Variants in PRELID2 observed in about 807,000 individuals in gnomAD.
PRELID2 encodes PRELI domain-containing protein 2.
In PRELID2, 25 loss-of-function variants were observed where a neutral mutation model predicts 28.4. That is an observed-to-expected ratio of 0.88 (90% CI 0.64 to 1.23). The LOEUF (loss-of-function observed/expected upper bound fraction) is 1.23. Ranked by LOEUF, PRELID2 falls within the 50% of genes most tolerant of loss-of-function variation. The pLI, the probability that PRELID2 is intolerant of heterozygous loss-of-function variation, is 0.00. For synonymous variants in PRELID2, 76 were observed against 71.6 expected, an observed-to-expected ratio of 1.06 and a Z score of -0.31; for missense variants, 201 against 214.4, an observed-to-expected ratio of 0.94 and a Z score of 0.39.
chr5:145,422,545 A>G, the PRELID2 span, among the ~76,000 whole-genome samples: 1 of 151,772 alleles, frequency 6.6e-6, no homozygotes, highest in South Asian at 2.1e-4. Flanking sequence ...ATCAGAGACT[A>G]GGATTGCAAC....
At chr5:145,440,589 C>A in the PRELID2 span, among the ~76,000 whole-genome samples, 2 of 152,028 alleles carry the variant, frequency 1.3e-5, no homozygotes, top group Non-Finnish European at 2.9e-5. Flanking sequence ...TGTTTTCAGA[C>A]CTCCCTTCCT....
chr5:145,801,259 C>G (rs1231163399), intron 4 of PRELID2, among the ~76,000 whole-genome samples: 1 of 152,156 alleles, frequency 6.6e-6, no homozygotes, highest in Admixed American at 6.5e-5. Flanking sequence ...AGCAACAGTA[C>G]CTGCTAACTT....
chr5:145,813,930 T>G (rs1754119458), intron 4 of PRELID2, among the ~76,000 whole-genome samples: 1 of 152,224 alleles, frequency 6.6e-6, no homozygotes, highest in African/African-American at 2.4e-5. Context: ...GGAAAATATG[T>G]AATCATAGAG....
the PRELID2 span, among the ~76,000 whole-genome samples, chr5:145,304,272 T>A: frequency 6.6e-6 from 1 of 152,196 alleles, no homozygotes. Flanking sequence ...AGCATTATTA[T>A]GATTATTACT....
At chr5:145,305,066 C>A in the PRELID2 span, among the ~76,000 whole-genome samples, 14 of 152,138 alleles carry the variant, frequency 9.2e-5, no homozygotes, top group Non-Finnish European at 1.8e-4. Context: ...TGAATGCATA[C>A]AACTATTTCT....
intron 4 of PRELID2, among the ~76,000 whole-genome samples, chr5:145,813,913 A>G (rs1161242499): frequency 6.6e-6 from 1 of 152,258 alleles, no homozygotes; most frequent in African/African-American, 2.4e-5. Context: ...TGGTAACAGA[A>G]TAAGTGGGAA....
chr5:145,234,266 T>C, the PRELID2 span, among the ~76,000 whole-genome samples: 1 of 152,158 alleles, frequency 6.6e-6, no homozygotes, highest in Non-Finnish European at 1.5e-5. Context: ...ACTGAGTGCT[T>C]ACTCTGGCCC....
At chr5:145,517,393 T>C (rs1752526333) in intron 1 of PRELID2, among the ~76,000 whole-genome samples, 1 of 151,972 alleles carries the variant, frequency 6.6e-6, no homozygotes, top group African/African-American at 2.4e-5. Flanking sequence ...GAAAAAAAGC[T>C]CATTATCACT....
At chr5:145,535,042 C>T (rs1752687305) in intron 1 of PRELID2, among the ~76,000 whole-genome samples, 1 of 151,900 alleles carries the variant, frequency 6.6e-6, no homozygotes, top group Non-Finnish European at 1.5e-5. Context: ...TCATCTCTGC[C>T]ATTCCACAGA....
intron 1 of PRELID2, among the ~76,000 whole-genome samples, chr5:145,698,426 TAGTC>T (rs1293710932): frequency 1.3e-5 from 2 of 152,186 alleles, no homozygotes; most frequent in Admixed American, 6.5e-5. Flanking sequence ...AAAATTGTCT[TAGTC>T]AGTTTGGGCT....
chr5:145,653,987 T>C (rs1483359083), intron 1 of PRELID2, among the ~76,000 whole-genome samples: 1 of 151,640 alleles, frequency 6.6e-6, no homozygotes, highest in Admixed American at 6.6e-5. Flanking sequence ...ATCAATAAAA[T>C]TGATAGATCG....
At chr5:145,695,521 T>G (rs948834307) in intron 1 of PRELID2, among the ~76,000 whole-genome samples, 1 of 152,226 alleles carries the variant, frequency 6.6e-6, no homozygotes, top group African/African-American at 2.4e-5. Context: ...TCCAACCTGC[T>G]CTTCTTCCTT....
At chr5:145,293,228 T>C in the PRELID2 span, among the ~76,000 whole-genome samples, 2 of 152,186 alleles carry the variant, frequency 1.3e-5, no homozygotes, top group Non-Finnish European at 2.9e-5. Flanking sequence ...CCACATACAT[T>C]TGAGTTTGCA....
In PRELID2 at chr5:145,653,055, G is replaced by T. The variant is rs192813418; in HGVS notation, n.70+111876C>A. 6.8e-3 allele frequency among the ~76,000 whole-genome samples: 1,033 copies of T among 152,076 alleles called. 19 individuals are homozygous for T. The highest frequency in any genetic ancestry group is 0.024 in the African/African-American group (976 of 41,488). ...GGCTCAAAATAAAGGGATGGAAGAA[G>T]ATCTACCAAGCAAATGGAAAACAAA... is the stretch of plus-strand genomic sequence containing the variant. On this transcript the variant is annotated intron_variant and non_coding_transcript_variant, in intron 1 of 2. Transcript: ENST00000510259.
intron 1 of PRELID2, among the ~76,000 whole-genome samples, chr5:145,494,384 G>A (rs570858496): frequency 2.0e-5 from 3 of 152,250 alleles, no homozygotes; most frequent in East Asian, 3.9e-4. Flanking sequence ...AATATTTTCC[G>A]TATGTTGGAC....
the PRELID2 span, among the ~76,000 whole-genome samples, chr5:145,425,576 T>TA: frequency 4.6e-5 from 7 of 152,274 alleles, no homozygotes; most frequent in East Asian, 1.2e-3. Flanking sequence ...TATGCAGCCA[T>TA]AAAAAAGAAC....
chr5:145,543,523 T>C (rs988747045), intron 1 of PRELID2, among the ~76,000 whole-genome samples: 1 of 152,130 alleles, frequency 6.6e-6, no homozygotes, highest in Admixed American at 6.6e-5. Context: ...TGCTGGTCAA[T>C]GATTTTCATT....
chr5:145,246,076 T>C, the PRELID2 span, among the ~76,000 whole-genome samples: 959 of 152,108 alleles, frequency 6.3e-3, 8 homozygotes, highest in African/African-American at 0.021. Flanking sequence ...AGATTTTACT[T>C]AGAATACACA....
At chr5:145,735,083 A>G (rs574456916) in intron 1 of PRELID2, among the ~76,000 whole-genome samples, 1 of 48,338 alleles carries the variant, frequency 2.1e-5, no homozygotes, top group East Asian at 9.3e-4. Context: ...CATCTCTACT[A>G]AAAATACAAA....
Sources: gnomAD v4.1 joint callset for allele counts (sites outside exome capture counted in the v4.1 genomes callset) on GRCh38, gnomAD v4.1.1 for gene constraint, MANE v1.5 for transcripts, NCBI Gene and HGNC (gene_info 2026-07-23, HGNC 2026-07-21) for gene names.